PXDNL: variants seen among roughly 807,000 people sequenced by gnomAD.
The protein encoded by PXDNL is peroxidasin like, also known as probable oxidoreductase PXDNL.
In PXDNL, 145 loss-of-function variants were observed where a neutral mutation model predicts 150.8. That is an observed-to-expected ratio of 0.96 (90% confidence interval 0.84 to 1.10). The LOEUF is 1.10. Among genes scored for constraint, PXDNL ranks in the 50% least tolerant of loss-of-function variants. The pLI, the probability that PXDNL is intolerant of heterozygous loss-of-function variation, is 0.00. For synonymous variants in PXDNL, 757 were observed against 725.7 expected, an observed-to-expected ratio of 1.04 and a Z score of -0.69; for missense variants, 2,087 against 1,873.9, an observed-to-expected ratio of 1.11 and a Z score of -2.10.
chr8:51,454,884 A>C (rs73581425), intron 9 of PXDNL, among the ~76,000 whole-genome samples: 3,421 of 152,226 alleles, frequency 0.022, 114 homozygotes, highest in African/African-American at 0.078. Context: ...AAACCACAAC[A>C]TGCCTCGGAA....
intron 1 of PXDNL, among the ~76,000 whole-genome samples, chr8:51,682,598 C>T (rs1193889701): frequency 6.6e-6 from 1 of 152,184 alleles, no homozygotes; most frequent in Non-Finnish European, 1.5e-5. Flanking sequence ...TTATTCTCCC[C>T]TAACCTACCT....
chr8:51,660,554 G>A (rs1240032348), intron 1 of PXDNL, among the ~76,000 whole-genome samples: 1 of 152,138 alleles, frequency 6.6e-6, no homozygotes, highest in Non-Finnish European at 1.5e-5. Context: ...GTACTTGTTT[G>A]TCTCAAATCC....
intron 14 of PXDNL, among the ~76,000 whole-genome samples, chr8:51,421,112 T>C (rs143067571): frequency 6.6e-6 from 1 of 152,236 alleles, no homozygotes; most frequent in Admixed American, 6.5e-5. Context: ...CTTCTGTGTA[T>C]GTGGAAGAGC....
intron 13 of PXDNL, among the ~76,000 whole-genome samples, chr8:51,424,383 T>A (rs886348433): frequency 1.3e-5 from 2 of 152,134 alleles, no homozygotes; most frequent in Non-Finnish European, 2.9e-5. Context: ...ATAAAAAAAA[T>A]AAAAATTAAC....
intron 3 of PXDNL, among the ~76,000 whole-genome samples, chr8:51,578,026 G>C (rs1276193019): frequency 8.0e-6 from 1 of 124,764 alleles, no homozygotes; most frequent in African/African-American, 3.5e-5. Flanking sequence ...AGGAAGGAAG[G>C]AAGGAAGGAA....
chr8:51,480,072 AT>A (rs1211718220), intron 6 of PXDNL, among the ~76,000 whole-genome samples: 1 of 152,158 alleles, frequency 6.6e-6, no homozygotes, highest in Non-Finnish European at 1.5e-5. Flanking sequence ...GATTACAAGC[AT>A]TATTTCTGGG....
intron 1 of PXDNL, among the ~76,000 whole-genome samples, chr8:51,699,512 A>G (rs1166148252): frequency 6.6e-6 from 1 of 152,170 alleles, no homozygotes; most frequent in Non-Finnish European, 1.5e-5. Flanking sequence ...CTTTCTTCAT[A>G]TTAGCAATAA....
At chr8:51,467,730 C>G (rs560604346) in intron 8 of PXDNL, among the ~76,000 whole-genome samples, 15 of 151,980 alleles carry the variant, frequency 9.9e-5, no homozygotes, top group Non-Finnish European at 1.9e-4. Flanking sequence ...AACTGAAAGC[C>G]CAAGTCATTA....
intron 21 of PXDNL, among the ~76,000 whole-genome samples, chr8:51,334,054 G>A (rs2130654892): frequency 7.2e-6 from 1 of 139,522 alleles, no homozygotes; most frequent in African/African-American, 2.7e-5. Context: ...CTCCAAGATA[G>A]ATCATATGAT....
In PXDNL at chr8:51,341,207, A is replaced by C. The variant is rs555158095; in HGVS notation, c.4017-1454T>G. On this transcript the variant is annotated intron_variant, in intron 20 of 22. Coordinates refer to ENST00000356297, the MANE Select transcript of PXDNL (RefSeq NM_144651.5). ...AAGAAGCAAGACACATAGCATCTGC[A>C]TTAGGAAGACAAATAAGAGGTATAA... Among the ~76,000 whole-genome samples, 16 of 152,356 alleles carry C rather than the reference A, an allele frequency of 1.1e-4. No homozygotes were observed. In the South Asian group the frequency reaches 3.1e-3, roughly 30 times the overall value.
chr8:51,735,061 A>G (rs1446973787), intron 1 of PXDNL, among the ~76,000 whole-genome samples: 2 of 152,242 alleles, frequency 1.3e-5, no homozygotes, highest in African/African-American at 2.4e-5. Flanking sequence ...TCTCATCACA[A>G]AAAAGATAAG....
intron 1 of PXDNL, among the ~76,000 whole-genome samples, chr8:51,735,447 T>G (rs529636232): frequency 6.6e-6 from 1 of 151,424 alleles, no homozygotes; most frequent in Admixed American, 6.6e-5. Flanking sequence ...ATCCTGCCGC[T>G]GCACCCCAGC....
At chr8:51,734,068 CAGCAAAGGGCTGTTA>C (rs1816987746) in intron 1 of PXDNL, among the ~76,000 whole-genome samples, 2 of 151,858 alleles carry the variant, frequency 1.3e-5, no homozygotes, top group South Asian at 4.1e-4. Flanking sequence ...CTCACCTTAT[CAGCAAAGGGCTGTTA>C]ATTCCTGTCA....
chr8:51,738,134 T>C (rs1817076932), intron 1 of PXDNL, among the ~76,000 whole-genome samples: 1 of 152,176 alleles, frequency 6.6e-6, no homozygotes, highest in African/African-American at 2.4e-5. Flanking sequence ...TCTGCATCCT[T>C]TTATCCCACC....
chr8:51,487,950 T>C (rs1166780634), intron 5 of PXDNL, among the ~76,000 whole-genome samples: 1 of 152,208 alleles, frequency 6.6e-6, no homozygotes, highest in Non-Finnish European at 1.5e-5. Context: ...ATTACTCGAC[T>C]ATGTGCAGTC....
intron 6 of PXDNL, among the ~76,000 whole-genome samples, chr8:51,480,422 A>T (rs1260882274): frequency 6.6e-6 from 1 of 152,164 alleles, no homozygotes; most frequent in Non-Finnish European, 1.5e-5. Flanking sequence ...GAAAAGGTGG[A>T]GGATGCCACA....
chr8:51,583,439 T>C (rs572137740), intron 3 of PXDNL, among the ~76,000 whole-genome samples: 24 of 152,336 alleles, frequency 1.6e-4, no homozygotes, highest in Non-Finnish European at 2.6e-4. Flanking sequence ...TAGTTGTTCA[T>C]AGCAGTTTCA....
intron 9 of PXDNL, among the ~76,000 whole-genome samples, chr8:51,455,058 G>A (rs1477070889): frequency 1.3e-5 from 1 of 78,874 alleles, no homozygotes; most frequent in African/African-American, 8.8e-5. Flanking sequence ...GCAGTGAGCC[G>A]AGATTGCGCC....
At chr8:51,423,058 C>G (rs1458842841) in intron 14 of PXDNL, among the ~76,000 whole-genome samples, 1 of 152,166 alleles carries the variant, frequency 6.6e-6, no homozygotes, top group Non-Finnish European at 1.5e-5. Context: ...AGCTATATAA[C>G]CAGATTGGTG....
Sources: gnomAD v4.1 joint callset for allele counts (sites outside exome capture counted in the v4.1 genomes callset) on GRCh38, gnomAD v4.1.1 for gene constraint, MANE v1.5 for transcripts, NCBI Gene and HGNC (gene_info 2026-07-23, HGNC 2026-07-21) for gene names.